The following CDH12 variants were observed in gnomAD, a reference collection of about 807,000 sequenced individuals.
The protein encoded by CDH12 is cadherin 12.
In CDH12, 41 loss-of-function variants were observed where a neutral mutation model predicts 74.1. That is an observed-to-expected ratio of 0.55 (90% CI 0.43 to 0.72). The LOEUF is 0.72. Among genes scored for constraint, CDH12 ranks in the 30% least tolerant of loss-of-function variants. The pLI is 0.00. For synonymous variants in CDH12, 399 were observed against 355.0 expected (o/e 1.12, Z -1.39); for missense variants, 945 against 977.2 (o/e 0.97, Z 0.44).
At chr5:22,383,048 T>C (rs548925421) in intron 3 of CDH12, among the ~76,000 whole-genome samples, 1 of 151,856 alleles carries the variant, frequency 6.6e-6, no homozygotes, top group African/African-American at 2.4e-5. Context: ...GCCAGGCTGG[T>C]CTTAAACTCC....
chr5:22,324,550 A>C (rs1306223713), intron 3 of CDH12, among the ~76,000 whole-genome samples: 1 of 151,850 alleles, frequency 6.6e-6, no homozygotes, highest in Non-Finnish European at 1.5e-5. Flanking sequence ...AAAATTTAAA[A>C]AAGAGTACAT....
intron 1 of CDH12, among the ~76,000 whole-genome samples, chr5:22,588,627 G>C (rs536135753): frequency 2.0e-5 from 3 of 152,290 alleles, no homozygotes; most frequent in African/African-American, 7.2e-5. Context: ...TTATTTATGA[G>C]CAGGAGAAAC....
intron 3 of CDH12, among the ~76,000 whole-genome samples, chr5:22,244,728 A>G (rs1018323335): frequency 7.6e-6 from 1 of 131,886 alleles, no homozygotes; most frequent in Non-Finnish European, 1.6e-5. Context: ...AGAGAAAGAA[A>G]AAGAAAGAAA....
intron 3 of CDH12, among the ~76,000 whole-genome samples, chr5:22,240,018 G>A (rs934500200): frequency 4.6e-5 from 7 of 152,210 alleles, no homozygotes; most frequent in African/African-American, 1.7e-4. Flanking sequence ...ATTGTAGCAT[G>A]TGCCTAAGAA....
intron 4 of CDH12, among the ~76,000 whole-genome samples, chr5:22,198,145 G>A (rs571299158): frequency 3.9e-4 from 60 of 152,262 alleles, no homozygotes; most frequent in African/African-American, 1.0e-3. Context: ...CATAGTGTGC[G>A]TCTGGGTGAA....
chr5:22,554,434 T>A (rs926062003), intron 1 of CDH12, among the ~76,000 whole-genome samples: 4 of 152,150 alleles, frequency 2.6e-5, no homozygotes, highest in Non-Finnish European at 4.4e-5. Context: ...AATGTCTGTA[T>A]CTTCTGCTCA....
rs552081325 is a variant in CDH12, at chr5:22,168,263, T to C, written c.-187+44235A>G. On this transcript the variant is annotated intron_variant, in intron 4 of 14. Coordinates refer to ENST00000382254, the MANE Select transcript of CDH12 (RefSeq NM_004061.5). ...TTTGAATGAATCAAAATTAAAATTA[T>C]GTGACTTTTTTCTCTCATGTCCCCT... Among the ~76,000 whole-genome samples, 122 of 152,206 alleles carry C rather than the reference T, an allele frequency of 8.0e-4. 1 individual carries two copies. Among genetic ancestry groups the C allele is most frequent in the African/African-American group, 2.8e-3 (115 of 41,570 alleles).
intron 6 of CDH12, among the ~76,000 whole-genome samples, chr5:21,952,832 GT>G (rs1056277254): frequency 6.6e-6 from 1 of 150,892 alleles, no homozygotes; most frequent in Non-Finnish European, 1.5e-5. Flanking sequence ...CTTTACATGG[GT>G]TTTTTATTAA....
chr5:22,072,533 TGTG>T (rs1289212479), intron 5 of CDH12, among the ~76,000 whole-genome samples: 2 of 60,264 alleles, frequency 3.3e-5, no homozygotes, highest in African/African-American at 4.2e-4. Flanking sequence ...AGCACTTTTG[TGTG>T]TGTGTGTGTG....
chr5:21,945,245 C>T (rs1202281912), intron 6 of CDH12, among the ~76,000 whole-genome samples: 3 of 151,210 alleles, frequency 2.0e-5, no homozygotes, highest in African/African-American at 2.4e-5. Flanking sequence ...TCCAACATGG[C>T]GAAACCCCGC....
intron 1 of CDH12, among the ~76,000 whole-genome samples, chr5:22,559,798 T>C (rs1474468250): frequency 6.6e-6 from 1 of 152,140 alleles, no homozygotes; most frequent in African/African-American, 2.4e-5. Flanking sequence ...TCTCATTAAG[T>C]GTTATTTGCC....
At chr5:21,811,074 T>G (rs949407056) in intron 9 of CDH12, among the ~76,000 whole-genome samples, 1 of 152,102 alleles carries the variant, frequency 6.6e-6, no homozygotes, top group Non-Finnish European at 1.5e-5. Context: ...ATCTCATACG[T>G]TTTTAAGGAA....
At chr5:21,862,058 G>A (rs911668646) in intron 6 of CDH12, among the ~76,000 whole-genome samples, 16 of 151,750 alleles carry the variant, frequency 1.1e-4, no homozygotes, top group Admixed American at 3.3e-4. Flanking sequence ...GTTTTCTTTC[G>A]TGTGAATGTG....
At chr5:22,756,469 T>A (rs73742199) in intron 1 of CDH12, among the ~76,000 whole-genome samples, 12,894 of 152,226 alleles carry the variant, frequency 0.085, 749 homozygotes, top group African/African-American at 0.15. Flanking sequence ...ATTCATGAAT[T>A]ATTATTTTAA....
chr5:22,575,489 C>T (rs774505985), intron 1 of CDH12, among the ~76,000 whole-genome samples: 5 of 151,972 alleles, frequency 3.3e-5, no homozygotes, highest in Non-Finnish European at 5.9e-5. Flanking sequence ...ATCTCCTGTG[C>T]TCAAGCAATC....
chr5:22,395,088 T>C (rs924250867), intron 3 of CDH12, among the ~76,000 whole-genome samples: 5 of 152,120 alleles, frequency 3.3e-5, no homozygotes, highest in Non-Finnish European at 7.4e-5. Context: ...TCTTTGCAGA[T>C]GGAATTAAAT....
chr5:22,732,251 T>C lies in CDH12; in HGVS notation c.-523+120807A>G, dbSNP rs1386408009. Among the ~76,000 whole-genome samples the C allele has an allele frequency of 9.9e-5, 15 of 151,896 alleles. No homozygotes were observed. The East Asian group carries it at 1.7e-3, about 18-fold the overall frequency. On this transcript the variant is annotated intron_variant, in intron 1 of 14. Transcript: ENST00000382254. ...TCACACGGTCTTCCCTCTGTATATA[T>C]CTTTGTCCTAATCTCCACTTCTTAT...
rs955070139 is a variant in CDH12, at chr5:22,359,178, G to A, written c.-333+46079C>T. On this transcript the variant is annotated intron_variant, in intron 3 of 14. Coordinates refer to ENST00000382254, the MANE Select transcript of CDH12 (RefSeq NM_004061.5). ...AGACTCATCATAGTGCTGTATTCAG[G>A]AAACCCATTTCATGTGCAGAGACAC... Among the ~76,000 whole-genome samples, 4 of 152,102 alleles carry A rather than the reference G, an allele frequency of 2.6e-5. No individual in the cohort carries two copies. In the South Asian group the frequency reaches 6.2e-4, roughly 24 times the overall value.
chr5:22,725,659 T>C (rs1169536774), intron 1 of CDH12, among the ~76,000 whole-genome samples: 1 of 151,634 alleles, frequency 6.6e-6, no homozygotes, highest in African/African-American at 2.4e-5. Flanking sequence ...GATCTAATCA[T>C]ATCCCAAGGG....
Sources: allele counts gnomAD v4.1 joint callset (sites outside exome capture counted in the v4.1 genomes callset), GRCh38; gene constraint gnomAD v4.1.1; transcripts MANE v1.5; gene names NCBI Gene and HGNC (gene_info 2026-07-23, HGNC 2026-07-21).